Variants in LINGO2 observed in about 807,000 individuals in gnomAD.
LINGO2 encodes leucine rich repeat and Ig domain containing 2, also known as leucine-rich repeat and immunoglobulin-like domain-containing nogo receptor-interacting protein 2.
In LINGO2, 14 loss-of-function variants were observed where a neutral mutation model predicts 30.6. That is an observed-to-expected ratio of 0.46 (90% CI 0.30 to 0.72). LINGO2 has a LOEUF of 0.72. Ranked by LOEUF, LINGO2 falls within the 30% of genes least tolerant of loss-of-function variation. The probability of loss-of-function intolerance (pLI) is 0.07; values close to 1 mark genes in which losing one functional copy is unlikely to be tolerated. For missense variants in LINGO2, 729 were observed against 751.7 expected, an observed-to-expected ratio of 0.97 and a Z score of 0.35; for synonymous variants, 317 against 288.5, an observed-to-expected ratio of 1.10 and a Z score of -1.00.
intron 2 of LINGO2, among the ~76,000 whole-genome samples, chr9:28,441,167 G>T (rs2135016085): frequency 6.8e-6 from 1 of 146,976 alleles, no homozygotes; most frequent in East Asian, 2.0e-4. Context: ...CTTGATATTG[G>T]ACTTCCCAGC....
intron 1 of LINGO2, among the ~76,000 whole-genome samples, chr9:28,581,519 A>C (rs1335401077): frequency 1.3e-5 from 2 of 151,348 alleles, no homozygotes; most frequent in Admixed American, 1.3e-4. Context: ...ATTGTGATAT[A>C]TATATAGAAT....
At chr9:28,025,219 C>T (rs932062811) in intron 4 of LINGO2, among the ~76,000 whole-genome samples, 1 of 152,182 alleles carries the variant, frequency 6.6e-6, no homozygotes. Context: ...ACCACTATTA[C>T]ATCCCAAAGT....
the LINGO2 span, among the ~76,000 whole-genome samples, chr9:28,988,857 G>A: frequency 1.3e-5 from 2 of 152,100 alleles, no homozygotes; most frequent in East Asian, 3.8e-4. Flanking sequence ...TTTTCATTCA[G>A]TTTTGCAGAA....
chr9:28,239,577 T>A (rs1207563252), intron 4 of LINGO2, among the ~76,000 whole-genome samples: 1 of 152,084 alleles, frequency 6.6e-6, no homozygotes, highest in East Asian at 1.9e-4. Context: ...TTTGATAAAG[T>A]TCAACACGCC....
chr9:28,747,114 C>T, the LINGO2 span, among the ~76,000 whole-genome samples: 1 of 151,860 alleles, frequency 6.6e-6, no homozygotes, highest in Non-Finnish European at 1.5e-5. Flanking sequence ...GCCAACCACA[C>T]CCCCCTATCC....
At chr9:28,494,698 A>G (rs1819529654) in intron 1 of LINGO2, among the ~76,000 whole-genome samples, 1 of 152,240 alleles carries the variant, frequency 6.6e-6, no homozygotes, top group Admixed American at 6.5e-5. Context: ...GTGTCTTTAA[A>G]GCAGCATGAT....
chr9:28,876,740 A>T, the LINGO2 span, among the ~76,000 whole-genome samples: 1 of 152,226 alleles, frequency 6.6e-6, no homozygotes, highest in South Asian at 2.1e-4. Context: ...TAGCAGCATG[A>T]TTTATAGTCC....
At chr9:27,973,376 C>G (rs1413092060) in intron 5 of LINGO2, among the ~76,000 whole-genome samples, 1 of 152,090 alleles carries the variant, frequency 6.6e-6, no homozygotes, top group Non-Finnish European at 1.5e-5. Flanking sequence ...CTTCACTGTT[C>G]ATGAACAATT....
chr9:28,927,653 A>G, the LINGO2 span, among the ~76,000 whole-genome samples: 1 of 152,210 alleles, frequency 6.6e-6, no homozygotes, highest in African/African-American at 2.4e-5. Flanking sequence ...TGTGTAATAC[A>G]CTGGATAAAT....
chr9:28,326,804 A>G (rs1825245510), intron 3 of LINGO2, among the ~76,000 whole-genome samples: 1 of 152,170 alleles, frequency 6.6e-6, no homozygotes, highest in Non-Finnish European at 1.5e-5. Flanking sequence ...CTTGGGGATC[A>G]TGGTCACAAG....
intron 3 of LINGO2, among the ~76,000 whole-genome samples, chr9:28,354,250 T>C (rs750171536): frequency 6.6e-6 from 1 of 152,232 alleles, no homozygotes; most frequent in Non-Finnish European, 1.5e-5. Flanking sequence ...ACGGTACTCA[T>C]ACCAGTAGGT....
chr9:28,484,166 A>T (rs901533186), intron 1 of LINGO2, among the ~76,000 whole-genome samples: 31 of 152,170 alleles, frequency 2.0e-4, no homozygotes, highest in African/African-American at 7.2e-4. Flanking sequence ...GGAATAGCCT[A>T]ATGACTCACA....
chr9:28,422,818 T>C (rs561466882), intron 2 of LINGO2, among the ~76,000 whole-genome samples: 2 of 152,050 alleles, frequency 1.3e-5, no homozygotes, highest in Non-Finnish European at 2.9e-5. Context: ...GGTACACATA[T>C]ACAATGGAGT....
chr9:27,943,551 G>A (rs1823248121), downstream of LINGO2: 1 of 151,578 alleles, frequency 6.6e-6, no homozygotes, highest in Admixed American at 6.6e-5. Flanking sequence ...GCAGATTGCT[G>A]TCAGCTTGTG....
At chr9:28,366,758 C>T (rs1321845487) in intron 3 of LINGO2, among the ~76,000 whole-genome samples, 2 of 151,206 alleles carry the variant, frequency 1.3e-5, no homozygotes, top group African/African-American at 2.4e-5. Context: ...ATATTAAATA[C>T]ATTTAAATTT....
chr9:29,185,538 T>C, the LINGO2 span, among the ~76,000 whole-genome samples: 4 of 152,186 alleles, frequency 2.6e-5, no homozygotes, highest in African/African-American at 9.6e-5. Flanking sequence ...AACCTTCTAA[T>C]ATCACACAGC....
At chr9:29,153,940 G>A in the LINGO2 span, among the ~76,000 whole-genome samples, 1 of 152,122 alleles carries the variant, frequency 6.6e-6, no homozygotes, top group African/African-American at 2.4e-5. Flanking sequence ...TTCCCCATGA[G>A]ATCCAGATAG....
intron 1 of LINGO2, among the ~76,000 whole-genome samples, chr9:28,485,298 C>G (rs770135464): frequency 4.6e-5 from 7 of 152,108 alleles, no homozygotes; most frequent in Non-Finnish European, 8.8e-5. Context: ...TTATTATATA[C>G]TATGAGCACA....
At chr9:28,564,993 G>T (rs1277256761) in intron 1 of LINGO2, among the ~76,000 whole-genome samples, 2 of 152,082 alleles carry the variant, frequency 1.3e-5, no homozygotes, top group African/African-American at 4.8e-5. Flanking sequence ...AAGTAGAAAT[G>T]CTCTTGCTTC....
Sources: gnomAD v4.1 joint callset for allele counts (sites outside exome capture counted in the v4.1 genomes callset) on GRCh38, gnomAD v4.1.1 for gene constraint, MANE v1.5 for transcripts, NCBI Gene and HGNC (gene_info 2026-07-23, HGNC 2026-07-21) for gene names.